Variants in SP140L observed in about 807,000 individuals in gnomAD.
SP140L encodes the protein SP140 like nuclear body protein, also known as nuclear body protein SP140-like protein.
SP140L carries 64 observed loss-of-function variants against 84.3 expected under a neutral mutation model. The observed-to-expected ratio is 0.76, with a 90% confidence interval of 0.62 to 0.94. The LOEUF (loss-of-function observed/expected upper bound fraction) is 0.94. Among genes scored for constraint, SP140L ranks in the 40% least tolerant of loss-of-function variants. SP140L has a pLI of 0.00. For missense variants in SP140L, 628 were observed against 692.5 expected, an observed-to-expected ratio of 0.91 and a Z score of 1.05; for synonymous variants, 242 against 236.9, an observed-to-expected ratio of 1.02 and a Z score of -0.20.
At chr2:230,352,566 CT>C (rs2060396638) in intron 2 of SP140L, among the ~76,000 whole-genome samples, 1 of 152,140 alleles carries the variant, frequency 6.6e-6, no homozygotes, top group Non-Finnish European at 1.5e-5. Context: ...CACCAGGTCC[CT>C]TTCCAACACA....
Position 230,396,798 on chromosome 2 carries a change from T to G in SP140L, c.1197T>G (p.Cys399Trp), listed in dbSNP as rs140907159. ...AAAACAATAGCTCAGTTGACCCTTG[T>G]GTAAGTATAAATTCTGAACTACAAC... Reference protein sequence around the residue: ...KSQNNSSVDPCMRNLDECEVC... With the variant: ...KSQNNSSVDPWMRNLDECEVC... Residue 399 changes from cysteine (C) to tryptophan (W), a missense_variant and splice_region_variant, in exon 14 of 19, where the codon TGT becomes TGG. Coordinates refer to ENST00000415673, the MANE Select transcript of SP140L (RefSeq NM_138402.6). 1 of 1,613,896 alleles carries G rather than the reference T, an allele frequency of 6.2e-7. No homozygotes were observed.
rs199561015 is a variant in SP140L at position 230,392,215 on chromosome 2, C to A, written c.1093C>A (p.Arg365=). Residue 365 remains arginine (R), a synonymous_variant, in exon 12 of 19, where the codon CGA becomes AGA. Transcript: ENST00000415673. ...TGTGCGCTGTGGCGGGTGGCCCCTACGACGGCTGATGGAGGTATTCCAATG... is the reference window on the plus strand; with the variant it reads ...TGTGCGCTGTGGCGGGTGGCCCCTAAGACGGCTGATGGAGGTATTCCAATG... ...LSVRCGGWPL[R]RLMEEGSLPN... 3.7e-6 allele frequency: 6 copies of A among 1,613,824 alleles called. No homozygotes were observed. The highest frequency in any genetic ancestry group is 4.2e-6 in the Non-Finnish European group (5 of 1,179,914).
Position 230,364,476 on chromosome 2 carries a change from AT to A in SP140L, c.523+2785del, listed in dbSNP as rs1241429847. ...TTGTTAGCGTATAGAAATGCAACAG[AT>A]TTTTTATGTTGATTTTGTATCCTGC... On this transcript the variant is annotated intron_variant, in intron 5 of 18. Coordinates refer to ENST00000415673, the MANE Select transcript of SP140L (RefSeq NM_138402.6). 1.2e-4 allele frequency among the ~76,000 whole-genome samples: 19 copies of A among 152,168 alleles called. No homozygotes were observed. The East Asian group carries it at 3.5e-3, about 28-fold the overall frequency.
chr2:230,392,027 G>A (rs976835047), intron 11 of SP140L, 60 bp from the exon 12 acceptor site: 2 of 1,604,814 alleles, frequency 1.2e-6, no homozygotes, highest in Non-Finnish European at 1.7e-6. Flanking sequence ...GTGGTGAGTG[G>A]CCACAGTCTG....
chr2:230,390,309 A>T (rs989491595), intron 11 of SP140L, among the ~76,000 whole-genome samples: 3 of 152,212 alleles, frequency 2.0e-5, no homozygotes, highest in Non-Finnish European at 2.9e-5. Context: ...TTTGAATCAG[A>T]CAGAAAAGGG....
chr2:230,339,550 T>C (rs2059975236), intron 2 of SP140L, among the ~76,000 whole-genome samples: 1 of 150,500 alleles, frequency 6.6e-6, no homozygotes, highest in South Asian at 2.1e-4. Context: ...TTTGAATGTG[T>C]TTGCTCTTGC....
chr2:230,393,688 T>C (rs184758362), intron 13 of SP140L, among the ~76,000 whole-genome samples: 1 of 152,326 alleles, frequency 6.6e-6, no homozygotes, highest in East Asian at 1.9e-4. Context: ...ATGGAGATGC[T>C]GAGGAGCCCT....
chr2:230,327,333 A>G, intron 1 of SP140L, 32 bp downstream of exon 1: 1 of 1,602,306 alleles, frequency 6.2e-7, no homozygotes, highest in Non-Finnish European at 8.5e-7. Context: ...TTTCACCTTT[A>G]TCTCTGGCAG....
intron 2 of SP140L, among the ~76,000 whole-genome samples, chr2:230,340,506 T>G (rs1432635016): frequency 6.9e-6 from 1 of 145,506 alleles, no homozygotes; most frequent in African/African-American, 2.5e-5. Context: ...AAGTTAATAT[T>G]GTTATGTGTG....
chr2:230,346,843 G>T (rs973968504), intron 2 of SP140L, among the ~76,000 whole-genome samples: 1 of 152,178 alleles, frequency 6.6e-6, no homozygotes, highest in Non-Finnish European at 1.5e-5. Flanking sequence ...TTTTTAAAGA[G>T]AATTATTCTG....
intron 14 of SP140L, 118 bp downstream of exon 14, chr2:230,396,916 C>T (rs565620869): frequency 7.9e-7 from 1 of 1,272,638 alleles, no homozygotes; most frequent in South Asian, 1.4e-5. Flanking sequence ...GAGTATGTGG[C>T]TGTGTGAATT....
At chr2:230,389,798 C>CTA in intron 10 of SP140L, 121 bp from the exon 11 acceptor site, 1 of 968,420 alleles carries the variant, frequency 1.0e-6, no homozygotes, top group South Asian at 1.5e-5. Context: ...CTTTGAAACT[C>CTA]TAGAGATTTA....
At chr2:230,376,680 T>C (rs924180874) in intron 7 of SP140L, among the ~76,000 whole-genome samples, 1 of 152,028 alleles carries the variant, frequency 6.6e-6, no homozygotes, top group Non-Finnish European at 1.5e-5. Flanking sequence ...GAAATCTCTA[T>C]CAAAATTTCA....
intron 4 of SP140L, among the ~76,000 whole-genome samples, chr2:230,360,206 A>G (rs11900550): frequency 0.12 from 18,763 of 152,222 alleles, 1,194 homozygotes; most frequent in Middle Eastern, 0.15. Flanking sequence ...TGGAAAGAGT[A>G]AAAGCATGTC....
chr2:230,400,754 C>A, intron 15 of SP140L: 1 of 1,259,750 alleles, frequency 7.9e-7, no homozygotes, highest in African/African-American at 1.5e-5. Flanking sequence ...CTGAGGCTTC[C>A]CTCCTGCTGC....
chr2:230,337,449 G>GTTCA (rs1310462051), intron 2 of SP140L, among the ~76,000 whole-genome samples: 1 of 151,750 alleles, frequency 6.6e-6, no homozygotes, highest in Non-Finnish European at 1.5e-5. Context: ...TAGGTTGCCT[G>GTTCA]TTCACTCTGA....
At chr2:230,377,473 ATAGT>A (rs1467144243) in intron 7 of SP140L, among the ~76,000 whole-genome samples, 1 of 152,206 alleles carries the variant, frequency 6.6e-6, no homozygotes, top group Non-Finnish European at 1.5e-5. Flanking sequence ...GTGTGTGTTC[ATAGT>A]TACTCTGTTT....
Position 230,327,310 on chromosome 2 carries a change from T to C in SP140L, c.32+9T>C. On this transcript the variant is annotated intron_variant, in intron 1 of 18. Transcript: ENST00000415673. ...AGCGACCTGAGCACCAGGTGAGTCTTTATCTCTCTTCCTTTCACCTTTATC... is the reference window on the plus strand; with the variant it reads ...AGCGACCTGAGCACCAGGTGAGTCTCTATCTCTCTTCCTTTCACCTTTATC... The C allele has an allele frequency of 6.2e-7, 1 of 1,610,074 alleles. No homozygotes were observed. Among genetic ancestry groups the C allele is most frequent in the South Asian group, 1.1e-5 (1 of 90,270 alleles).
intron 2 of SP140L, among the ~76,000 whole-genome samples, chr2:230,342,767 T>C (rs575307124): frequency 1.4e-4 from 21 of 152,330 alleles, no homozygotes; most frequent in Middle Eastern, 3.4e-3. Flanking sequence ...AAGTTTTAAG[T>C]TCTGTCTCTT....
Sources: allele counts gnomAD v4.1 joint callset (sites outside exome capture counted in the v4.1 genomes callset), GRCh38; gene constraint gnomAD v4.1.1; transcripts MANE v1.5; gene names NCBI Gene and HGNC (gene_info 2026-07-23, HGNC 2026-07-21).